MFHAS1: variants seen among roughly 807,000 people sequenced by gnomAD.
The protein encoded by MFHAS1 is malignant fibrous histiocytoma-amplified sequence 1.
MFHAS1 carries 50 observed loss-of-function variants against 70.4 expected under a neutral mutation model. The ratio of observed to expected loss-of-function variants is 0.71; its 90% CI spans 0.57 to 0.90. The LOEUF is 0.90. MFHAS1 is among the 40% of genes least tolerant of loss of function. MFHAS1 has a pLI of 0.00. For synonymous variants in MFHAS1, 952 were observed against 620.0 expected, an observed-to-expected ratio of 1.54 and a Z score of -7.96; for missense variants, 1,795 against 1,347.6, an observed-to-expected ratio of 1.33 and a Z score of -5.20.
At position 8,797,484 on chromosome 8, in the gene MFHAS1, C is replaced by T; in HGVS notation, c.3006G>A (p.Leu1002=). Residue 1002 remains leucine (L), a synonymous_variant, in exon 2 of 3, where the codon TTG becomes TTA. Transcript: ENST00000276282. The part of the protein sequence containing the change: ...SPNPHAFPGE[L]LSQPRPEGVA... ...CTCCTTCCGGTCTGGGCTGACTCAG[C>T]AACTCCCCTGTAGGAGGAGAGAGAA... The T allele has an allele frequency of 6.2e-7, 1 of 1,613,592 alleles. No individual in the cohort carries two copies. Among genetic ancestry groups the T allele is most frequent in the Non-Finnish European group, 8.5e-7 (1 of 1,179,682 alleles).
At chr8:8,796,667 G>T (rs1351815334) in intron 2 of MFHAS1, among the ~76,000 whole-genome samples, 2 of 106,818 alleles carry the variant, frequency 1.9e-5, no homozygotes, top group Admixed American at 2.7e-4. Flanking sequence ...CTGGGCGACA[G>T]AGCAAGACTC....
chr8:8,786,177 T>A (rs1805535943), intron 2 of MFHAS1, 122 bp from the exon 3 acceptor site: 7 of 916,874 alleles, frequency 7.6e-6, no homozygotes, highest in Non-Finnish European at 1.2e-5. Context: ...CATTTCTACT[T>A]CCAGGACTCA....
At chr8:8,887,904 A>G (rs1048322345) in intron 1 of MFHAS1, among the ~76,000 whole-genome samples, 1 of 150,864 alleles carries the variant, frequency 6.6e-6, no homozygotes, top group Non-Finnish European at 1.5e-5. Context: ...CTAACTCCTC[A>G]AAGTTCTTAG....
chr8:8,813,377 C>G (rs1433253964), intron 1 of MFHAS1, among the ~76,000 whole-genome samples: 1 of 152,136 alleles, frequency 6.6e-6, no homozygotes, highest in African/African-American at 2.4e-5. Context: ...GTAAAACAGC[C>G]TCAGGCAGGC....
At chr8:8,881,566 G>A (rs1317482853) in intron 1 of MFHAS1, among the ~76,000 whole-genome samples, 1 of 152,200 alleles carries the variant, frequency 6.6e-6, no homozygotes, top group Non-Finnish European at 1.5e-5. Flanking sequence ...GCTGGGCATG[G>A]TGGCTCACGC....
At chr8:8,871,389 A>T (rs1374540661) in intron 1 of MFHAS1, among the ~76,000 whole-genome samples, 3 of 152,170 alleles carry the variant, frequency 2.0e-5, no homozygotes, top group Non-Finnish European at 2.9e-5. Context: ...GTTTCTACTA[A>T]AAATACAAAA....
intron 1 of MFHAS1, among the ~76,000 whole-genome samples, chr8:8,835,149 G>C (rs1039736832): frequency 6.6e-6 from 1 of 151,340 alleles, no homozygotes; most frequent in South Asian, 2.1e-4. Flanking sequence ...GTTCGAGGGT[G>C]AGCATTAGGG....
chr8:8,838,691 T>C (rs1645674934), intron 1 of MFHAS1, among the ~76,000 whole-genome samples: 1 of 151,876 alleles, frequency 6.6e-6, no homozygotes, highest in African/African-American at 2.4e-5. Context: ...CGGGTGCCTG[T>C]AATTCCAGCT....
chr8:8,806,266 T>G (rs1806286375), intron 1 of MFHAS1, among the ~76,000 whole-genome samples: 1 of 152,116 alleles, frequency 6.6e-6, no homozygotes, highest in Admixed American at 6.5e-5. Flanking sequence ...AAGTGTCCAT[T>G]ACAACACTGG....
chr8:8,855,757 G>A (rs1292545532), intron 1 of MFHAS1, among the ~76,000 whole-genome samples: 1 of 152,186 alleles, frequency 6.6e-6, no homozygotes, highest in African/African-American at 2.4e-5. Flanking sequence ...TTGGGAGGCT[G>A]AGACAGGAGA....
intron 1 of MFHAS1, among the ~76,000 whole-genome samples, chr8:8,848,297 T>C (rs1176320472): frequency 2.0e-5 from 3 of 151,968 alleles, no homozygotes; most frequent in Non-Finnish European, 4.4e-5. Context: ...AAAGAAGGGA[T>C]TATGACTCCA....
intron 1 of MFHAS1, among the ~76,000 whole-genome samples, chr8:8,889,271 C>T (rs1033673485): frequency 4.6e-5 from 7 of 152,066 alleles, no homozygotes; most frequent in Admixed American, 3.3e-4. Context: ...AGGAAATTCC[C>T]GAGGAAACGC....
chr8:8,803,441 C>T (rs921646274), intron 1 of MFHAS1, among the ~76,000 whole-genome samples: 103 of 150,690 alleles, frequency 6.8e-4, no homozygotes, highest in African/African-American at 2.4e-3. Context: ...CGCTTGAACC[C>T]GAGAGGCAGA....
chr8:8,822,418 G>C (rs965842686), intron 1 of MFHAS1, among the ~76,000 whole-genome samples: 4 of 151,584 alleles, frequency 2.6e-5, no homozygotes, highest in Non-Finnish European at 4.4e-5. Flanking sequence ...GCGGGAGACA[G>C]GGGACCACGC....
chr8:8,807,744 G>A (rs1185999189), intron 1 of MFHAS1, among the ~76,000 whole-genome samples: 3 of 152,078 alleles, frequency 2.0e-5, no homozygotes, highest in Non-Finnish European at 4.4e-5. Flanking sequence ...ATTAATAGTG[G>A]GACACACTGT....
intron 1 of MFHAS1, among the ~76,000 whole-genome samples, chr8:8,825,284 G>A (rs576162571): frequency 7.9e-4 from 120 of 152,230 alleles, no homozygotes; most frequent in South Asian, 5.8e-3. Context: ...GGAATTCTCC[G>A]GCGTCAGCCT....
chr8:8,890,329 C>A lies in MFHAS1; in HGVS notation c.2730G>T (p.Ser910=), dbSNP rs561379887. 6.2e-6 allele frequency: 10 copies of A among 1,614,192 alleles called. No individual in the cohort carries two copies. The highest frequency in any genetic ancestry group is 1.3e-5 in the African/African-American group (1 of 75,054). The change falls in exon 1 of 3, where the codon TCG becomes TCT. Residue 910 remains serine (S), a synonymous_variant. Transcript: ENST00000276282. ...AGGCAAAGATCTGAAATTTACCATC[C>A]GACCTGTGCACCACATGGCTGTTGA... ...VQINSHVVHR[S]DGKFQIFAYR...
intron 1 of MFHAS1, among the ~76,000 whole-genome samples, chr8:8,853,523 C>T (rs533314345): frequency 6.7e-6 from 1 of 149,360 alleles, no homozygotes; most frequent in Admixed American, 6.7e-5. Flanking sequence ...GTGCCTGGCA[C>T]GTACAAGGCA....
At chr8:8,874,937 T>C (rs866305572) in intron 1 of MFHAS1, among the ~76,000 whole-genome samples, 6 of 145,166 alleles carry the variant, frequency 4.1e-5, no homozygotes, top group South Asian at 2.2e-4. Context: ...ACCAAGATGA[T>C]GCCAGAAGAT....
Sources: gnomAD v4.1 joint callset for allele counts (sites outside exome capture counted in the v4.1 genomes callset) on GRCh38, gnomAD v4.1.1 for gene constraint, MANE v1.5 for transcripts, NCBI Gene and HGNC (gene_info 2026-07-23, HGNC 2026-07-21) for gene names.